The following FSTL4 variants were observed in gnomAD, a reference collection of about 807,000 sequenced individuals.
The protein encoded by FSTL4 is follistatin like 4.
In FSTL4, 28 loss-of-function variants were observed where a neutral mutation model predicts 78.2. That is an observed-to-expected ratio of 0.36 (90% CI 0.27 to 0.49). FSTL4 has a LOEUF of 0.49. Ranked by LOEUF, FSTL4 falls within the 20% of genes least tolerant of loss-of-function variation. FSTL4 has a pLI of 0.98. For synonymous variants in FSTL4, 422 were observed against 440.5 expected (o/e 0.96, Z 0.53); for missense variants, 922 against 1,084.9 (o/e 0.85, Z 2.11).
chr5:133,366,048 C>T (rs1049340594), intron 4 of FSTL4, among the ~76,000 whole-genome samples: 1 of 152,216 alleles, frequency 6.6e-6, no homozygotes, highest in African/African-American at 2.4e-5. Flanking sequence ...AAGGCCCCAC[C>T]TGCCTGGGCT....
At chr5:133,258,685 A>T (rs2126832407) in intron 6 of FSTL4, among the ~76,000 whole-genome samples, 1 of 152,268 alleles carries the variant, frequency 6.6e-6, no homozygotes. Flanking sequence ...GTTTAGGGAG[A>T]GCTGCCTGAC....
chr5:133,829,462 T>TTCC, the FSTL4 span, among the ~76,000 whole-genome samples: 2 of 152,324 alleles, frequency 1.3e-5, no homozygotes, highest in South Asian at 4.1e-4. Flanking sequence ...CAAACAGCTC[T>TTCC]TCCTTCCCTG....
At chr5:133,788,547 A>C in the FSTL4 span, among the ~76,000 whole-genome samples, 1 of 152,174 alleles carries the variant, frequency 6.6e-6, no homozygotes, top group Non-Finnish European at 1.5e-5. Context: ...GCCCAGCCAC[A>C]CAGCACTGCC....
At chr5:133,724,036 C>T in the FSTL4 span, among the ~76,000 whole-genome samples, 2 of 152,210 alleles carry the variant, frequency 1.3e-5, no homozygotes, top group African/African-American at 4.8e-5. Flanking sequence ...AGTACAATGG[C>T]TACTTGCCCT....
At chr5:133,565,161 C>T (rs1279968707) in intron 3 of FSTL4, among the ~76,000 whole-genome samples, 1 of 152,230 alleles carries the variant, frequency 6.6e-6, no homozygotes, top group African/African-American at 2.4e-5. Context: ...ATCTGTTCCT[C>T]TTTCAGTCCG....
chr5:133,238,287 G>C (rs1751720116), intron 7 of FSTL4, among the ~76,000 whole-genome samples: 1 of 152,174 alleles, frequency 6.6e-6, no homozygotes, highest in Non-Finnish European at 1.5e-5. Context: ...TTCCGACATT[G>C]CCCTCCTCAG....
At chr5:133,748,092 G>T in the FSTL4 span, among the ~76,000 whole-genome samples, 1 of 152,050 alleles carries the variant, frequency 6.6e-6, no homozygotes, top group Non-Finnish European at 1.5e-5. Context: ...TACTCGAGAG[G>T]CTGAGGCAGG....
the FSTL4 span, among the ~76,000 whole-genome samples, chr5:133,672,097 G>C: frequency 6.6e-6 from 1 of 152,222 alleles, no homozygotes; most frequent in Non-Finnish European, 1.5e-5. Context: ...CAGCAGAGCT[G>C]TTTGTTAATA....
At chr5:133,528,823 A>G (rs763764218) in intron 3 of FSTL4, among the ~76,000 whole-genome samples, 5 of 152,258 alleles carry the variant, frequency 3.3e-5, no homozygotes, top group Non-Finnish European at 7.3e-5. Flanking sequence ...CATATTTTAG[A>G]AATAAACAAA....
intron 3 of FSTL4, among the ~76,000 whole-genome samples, chr5:133,555,941 C>CA (rs1465174756): frequency 2.6e-5 from 4 of 152,152 alleles, no homozygotes; most frequent in Admixed American, 6.5e-5. Flanking sequence ...TTTTACCCCC[C>CA]ACAACGCATT....
intron 3 of FSTL4, among the ~76,000 whole-genome samples, chr5:133,431,224 A>G (rs1044209172): frequency 6.6e-6 from 1 of 152,228 alleles, no homozygotes; most frequent in African/African-American, 2.4e-5. Context: ...CACTACCAAG[A>G]GAACTGTGTT....
At chr5:133,213,142 ATAG>A (rs1750794484) in intron 13 of FSTL4, among the ~76,000 whole-genome samples, 1 of 151,434 alleles carries the variant, frequency 6.6e-6, no homozygotes, top group Admixed American at 6.6e-5. Context: ...AGCTGGGATT[ATAG>A]GCCTGCACCA....
intron 3 of FSTL4, among the ~76,000 whole-genome samples, chr5:133,408,888 G>C (rs1424878002): frequency 6.6e-6 from 1 of 152,188 alleles, no homozygotes; most frequent in Admixed American, 6.5e-5. Context: ...ATTGGTGAAA[G>C]GTTGAATAAA....
chr5:133,233,387 G>C (rs1160116608), intron 8 of FSTL4, 30 bp downstream of exon 8: 42 of 1,613,124 alleles, frequency 2.6e-5, no homozygotes, highest in Non-Finnish European at 3.4e-5. Context: ...AGGCTATGAG[G>C]GGACAACATG....
chr5:133,358,972 G>C (rs1755007362), intron 4 of FSTL4, among the ~76,000 whole-genome samples: 1 of 152,216 alleles, frequency 6.6e-6, no homozygotes, highest in African/African-American at 2.4e-5. Context: ...AACATGCAGA[G>C]TGAGCATTCA....
At chr5:133,207,648 TTTG>T (rs1332802924) in intron 14 of FSTL4, among the ~76,000 whole-genome samples, 2 of 151,462 alleles carry the variant, frequency 1.3e-5, no homozygotes, top group Non-Finnish European at 3.0e-5. Flanking sequence ...ACTCCCTACT[TTTG>T]TTTATTTTTT....
At chr5:133,666,234 G>C in the FSTL4 span, among the ~76,000 whole-genome samples, 1 of 152,154 alleles carries the variant, frequency 6.6e-6, no homozygotes, top group Non-Finnish European at 1.5e-5. Context: ...AATCATTTCA[G>C]TGAGCGAAGC....
At position 133,567,725 on chromosome 5, in the gene FSTL4, G is replaced by C. The variant is rs137972029; in HGVS notation, c.127-506C>G. 3.4e-3 allele frequency among the ~76,000 whole-genome samples: 516 copies of C among 152,348 alleles called. 2 individuals are homozygous for C. Among genetic ancestry groups the C allele is most frequent in the Non-Finnish European group, 5.7e-3 (385 of 68,038 alleles). On this transcript the variant is annotated intron_variant, in intron 2 of 15. Transcript: ENST00000265342. ...AAACACAATTTATAGTTTCCAAAGGGTGAGATCCTATGAACAATTTGGATA... is the reference window on the plus strand; with the variant it reads ...AAACACAATTTATAGTTTCCAAAGGCTGAGATCCTATGAACAATTTGGATA...
chr5:133,247,299 A>G (rs1581566869), intron 7 of FSTL4: 1 of 152,232 alleles, frequency 6.6e-6, no homozygotes, highest in Non-Finnish European at 1.5e-5. Context: ...TATTGTGAAA[A>G]GTAGAAATGC....
Sources: allele counts gnomAD v4.1 joint callset (sites outside exome capture counted in the v4.1 genomes callset), GRCh38; gene constraint gnomAD v4.1.1; transcripts MANE v1.5; gene names NCBI Gene and HGNC (gene_info 2026-07-23, HGNC 2026-07-21).